Variants in MARCHF3 observed in about 807,000 individuals in gnomAD.
MARCHF3 encodes the protein membrane associated ring-CH-type finger 3.
In MARCHF3, 13 loss-of-function variants were observed where a neutral mutation model predicts 24.2. That is an observed-to-expected ratio of 0.54 (90% CI 0.35 to 0.85). The LOEUF is 0.85. Ranked by LOEUF, MARCHF3 falls within the 40% of genes least tolerant of loss-of-function variation. The pLI is 0.01. For synonymous variants in MARCHF3, 144 were observed against 137.3 expected (o/e 1.05, Z -0.34); for missense variants, 276 against 325.0 (o/e 0.85, Z 1.16).
intron 1 of MARCHF3, among the ~76,000 whole-genome samples, chr5:127,020,266 C>T (rs553659171): frequency 6.6e-6 from 1 of 152,286 alleles, no homozygotes; most frequent in East Asian, 1.9e-4. Flanking sequence ...ATAGGAGTAT[C>T]ACAGATCCCA....
chr5:127,012,860 T>C (rs941187966), intron 1 of MARCHF3, among the ~76,000 whole-genome samples: 1 of 152,226 alleles, frequency 6.6e-6, no homozygotes, highest in African/African-American at 2.4e-5. Context: ...GTTCAAAATT[T>C]TAAGTCTTTT....
chr5:126,882,705 C>T (rs375670640), intron 3 of MARCHF3, among the ~76,000 whole-genome samples: 2 of 152,308 alleles, frequency 1.3e-5, no homozygotes, highest in East Asian at 1.9e-4. Context: ...GTGTCTAGCA[C>T]GTGGCCTGCC....
At chr5:126,908,183 CAG>C (rs1754371636) in intron 3 of MARCHF3, among the ~76,000 whole-genome samples, 1 of 152,174 alleles carries the variant, frequency 6.6e-6, no homozygotes, top group South Asian at 2.1e-4. Context: ...TTCCTGCCGA[CAG>C]ATCTGCTGTT....
chr5:126,987,044 G>A (rs1751588959), intron 1 of MARCHF3, among the ~76,000 whole-genome samples: 1 of 152,204 alleles, frequency 6.6e-6, no homozygotes, highest in East Asian at 1.9e-4. Flanking sequence ...TGGATGTGAT[G>A]AACAGTTACA....
intron 1 of MARCHF3, among the ~76,000 whole-genome samples, chr5:126,997,446 T>C (rs1751985422): frequency 6.6e-6 from 1 of 151,936 alleles, no homozygotes; most frequent in Non-Finnish European, 1.5e-5. Context: ...GGAAGGGAAG[T>C]CAATTTGGTG....
At chr5:126,880,069 G>A (rs530934501) in intron 3 of MARCHF3, among the ~76,000 whole-genome samples, 20 of 152,260 alleles carry the variant, frequency 1.3e-4, no homozygotes, top group Admixed American at 1.0e-3. Flanking sequence ...GGGAGGGGAA[G>A]GCCATGCTCA....
chr5:126,876,471 A>G (rs1753161662), intron 4 of MARCHF3, among the ~76,000 whole-genome samples: 1 of 152,214 alleles, frequency 6.6e-6, no homozygotes, highest in African/African-American at 2.4e-5. Context: ...TTGACAGATG[A>G]GGACACTGAG....
In MARCHF3 at chr5:126,980,517, C is replaced by T. The variant is rs375842607; in HGVS notation, c.-57+49833G>A. On this transcript the variant is annotated intron_variant, in intron 1 of 4. Coordinates refer to ENST00000308660, the MANE Select transcript of MARCHF3 (RefSeq NM_178450.5). ...TCCTGAATAGCTGGGACTACAGGTG[C>T]GCACCACCAGGCTCGGCTAATTTTT... 7.1e-4 allele frequency among the ~76,000 whole-genome samples: 108 copies of T among 152,016 alleles called. 1 individual carries two copies. The highest frequency in any genetic ancestry group is 5.6e-4 in the Non-Finnish European group (38 of 67,960).
At position 126,979,943 on chromosome 5, in the gene MARCHF3, C is replaced by A. The variant is rs1344802608; in HGVS notation, c.-57+50407G>T. 1.7e-4 allele frequency among the ~76,000 whole-genome samples: 17 copies of A among 101,050 alleles called. 1 individual carries two copies. In the South Asian group the frequency reaches 5.7e-3, roughly 34 times the overall value. The allele number at this position is 101,050 out of a possible 152,430, so 66.3% of individuals were successfully genotyped here. On this transcript the variant is annotated intron_variant, in intron 1 of 4. Transcript: ENST00000308660. ...AGCCTGGGCAACAAGAGCCAAACTC[C>A]ATCTCAAAAAAAAAAAAAAAAAAAA...
chr5:126,888,891 A>G (rs560349464), intron 3 of MARCHF3, among the ~76,000 whole-genome samples: 1 of 152,244 alleles, frequency 6.6e-6, no homozygotes, highest in South Asian at 2.1e-4. Flanking sequence ...CAGCCTCCTG[A>G]GTATCTGAGA....
At chr5:126,948,584 ACTGGGGT>A (rs1470581196) in intron 1 of MARCHF3, among the ~76,000 whole-genome samples, 1 of 152,174 alleles carries the variant, frequency 6.6e-6, no homozygotes, top group Non-Finnish European at 1.5e-5. Context: ...AAGTCAGAGC[ACTGGGGT>A]CTGTGACATG....
chr5:126,896,184 C>T (rs1294200176), intron 3 of MARCHF3, among the ~76,000 whole-genome samples: 2 of 152,166 alleles, frequency 1.3e-5, no homozygotes, highest in South Asian at 2.1e-4. Flanking sequence ...ACGGTGCGTG[C>T]ACCCACTGAC....
chr5:127,002,297 G>A (rs76184852), intron 1 of MARCHF3, among the ~76,000 whole-genome samples: 3 of 152,172 alleles, frequency 2.0e-5, no homozygotes, highest in African/African-American at 7.2e-5. Context: ...GTAGAGATGA[G>A]GGTTTTTTAC....
At chr5:126,979,997 T>G (rs1025154262) in intron 1 of MARCHF3, among the ~76,000 whole-genome samples, 2 of 148,236 alleles carry the variant, frequency 1.3e-5, no homozygotes, top group African/African-American at 5.0e-5. Context: ...TCCTGTATAC[T>G]AATTGAGCCT....
rs537397545 is a variant in MARCHF3 at position 127,000,730 on chromosome 5, G to A, written c.-57+29620C>T. ...TATTTATTTTTTGAGACAGAGTCTT[G>A]CACTGTTGCCCAGGCTGGAGTGCAG... is the stretch of plus-strand genomic sequence containing the variant. On this transcript the variant is annotated intron_variant, in intron 1 of 4. Coordinates refer to ENST00000308660, the MANE Select transcript of MARCHF3 (RefSeq NM_178450.5). Among the ~76,000 whole-genome samples, 5 of 152,026 alleles carry A rather than the reference G, an allele frequency of 3.3e-5. No individual in the cohort carries two copies. In the South Asian group the frequency reaches 1.0e-3, roughly 32 times the overall value.
In MARCHF3 at chr5:126,908,379, T is replaced by C. The variant is rs549404501; in HGVS notation, c.393+6551A>G. Among the ~76,000 whole-genome samples the C allele has an allele frequency of 1.6e-4, 24 of 152,308 alleles. 1 individual carries two copies. Among genetic ancestry groups the C allele is most frequent in the African/African-American group, 5.3e-4 (22 of 41,564 alleles). ...CTGAATGTTGGCCTGCCTTGCTAGA[T>C]TGGGGAGGTTCTCCTGGATAATATC... On this transcript the variant is annotated intron_variant, in intron 3 of 4. Transcript: ENST00000308660.
intron 2 of MARCHF3, among the ~76,000 whole-genome samples, chr5:126,916,692 G>GACAGACACACACACACAC (rs750408549): frequency 6.9e-5 from 9 of 130,482 alleles, no homozygotes; most frequent in South Asian, 2.6e-4. Context: ...CAGACAGACA[G>GACAGACACACACACACAC]ACACACACAC....
intron 1 of MARCHF3, among the ~76,000 whole-genome samples, chr5:126,931,494 G>C (rs1749477525): frequency 1.3e-5 from 2 of 151,654 alleles, no homozygotes; most frequent in South Asian, 2.1e-4. Context: ...CAGATACTTA[G>C]ATCTCTAGTC....
intron 3 of MARCHF3, among the ~76,000 whole-genome samples, chr5:126,897,008 C>T (rs564825206): frequency 5.3e-5 from 8 of 150,694 alleles, no homozygotes; most frequent in African/African-American, 1.2e-4. Context: ...TGCCTTGAGA[C>T]AATCCTTGGT....
Sources: allele counts gnomAD v4.1 joint callset (sites outside exome capture counted in the v4.1 genomes callset), GRCh38; gene constraint gnomAD v4.1.1; transcripts MANE v1.5; gene names NCBI Gene and HGNC (gene_info 2026-07-23, HGNC 2026-07-21).